Variants in TPRG1 observed in about 807,000 individuals in gnomAD.
TPRG1 encodes tumor protein p63 regulated 1, also known as tumor protein p63-regulated gene 1 protein.
In TPRG1, 29 loss-of-function variants were observed where a neutral mutation model predicts 29.3. The observed-to-expected ratio is 0.99, with a 90% CI of 0.74 to 1.35. TPRG1 has a LOEUF of 1.35. Ranked by LOEUF, TPRG1 falls within the 40% of genes most tolerant of loss-of-function variation. TPRG1 has a pLI of 0.00. For synonymous variants in TPRG1, 130 were observed against 116.8 expected, an observed-to-expected ratio of 1.11 and a Z score of -0.73; for missense variants, 327 against 335.0, an observed-to-expected ratio of 0.98 and a Z score of 0.19.
At chr3:189,145,359 T>TAAAAAAAAAA (rs58210295) in intron 3 of TPRG1, among the ~76,000 whole-genome samples, 1 of 107,388 alleles carries the variant, frequency 9.3e-6, no homozygotes, top group South Asian at 3.8e-4. Context: ...AGACTCCATC[T>TAAAAAAAAAA]AAAAAAAAAA....
At chr3:189,118,627 A>G (rs1721458769) in intron 1 of TPRG1, among the ~76,000 whole-genome samples, 1 of 152,218 alleles carries the variant, frequency 6.6e-6, no homozygotes, top group South Asian at 2.1e-4. Context: ...TCTGCATCCC[A>G]GCTGCTTCAG....
At chr3:189,155,388 T>C (rs1357147292) in intron 5 of TPRG1, among the ~76,000 whole-genome samples, 1 of 152,190 alleles carries the variant, frequency 6.6e-6, no homozygotes, top group Non-Finnish European at 1.5e-5. Context: ...AGTGGCCCTC[T>C]AACATGTCTG....
intron 1 of TPRG1, among the ~76,000 whole-genome samples, chr3:188,997,671 C>T (rs1236047554): frequency 6.6e-6 from 1 of 152,134 alleles, no homozygotes; most frequent in African/African-American, 2.4e-5. Flanking sequence ...CCTTCAGCCT[C>T]AAAGAATGGC....
chr3:189,267,040 A>C (rs1714224889), intron 4 of TPRG1, among the ~76,000 whole-genome samples: 1 of 152,142 alleles, frequency 6.6e-6, no homozygotes, highest in African/African-American at 2.4e-5. Context: ...TATGTATCAC[A>C]CAAAGTTTTG....
intron 4 of TPRG1, among the ~76,000 whole-genome samples, chr3:189,287,242 G>A (rs1041298550): frequency 3.9e-5 from 6 of 152,028 alleles, no homozygotes; most frequent in Non-Finnish European, 8.8e-5. Context: ...TTGAAGAAAA[G>A]ATCTTCCTTG....
chr3:189,075,353 T>G (rs1209809418), intron 4 of TPRG1, among the ~76,000 whole-genome samples: 3 of 152,134 alleles, frequency 2.0e-5, no homozygotes, highest in African/African-American at 7.2e-5. Context: ...CAGGCTGTTC[T>G]CGAACTCCTG....
chr3:189,164,842 T>G (rs1426611410), intron 5 of TPRG1, among the ~76,000 whole-genome samples: 1 of 152,154 alleles, frequency 6.6e-6, no homozygotes, highest in Non-Finnish European at 1.5e-5. Context: ...ACAGCTCCCA[T>G]GTCCCCCTGG....
chr3:189,201,571 A>G (rs1482988908), intron 1 of TPRG1, among the ~76,000 whole-genome samples: 1 of 152,198 alleles, frequency 6.6e-6, no homozygotes, highest in East Asian at 1.9e-4. Flanking sequence ...AATAGTCCTG[A>G]GAGAAGACAA....
At chr3:189,251,189 G>A (rs1742196191) in intron 4 of TPRG1, among the ~76,000 whole-genome samples, 2 of 151,848 alleles carry the variant, frequency 1.3e-5, no homozygotes, top group East Asian at 1.9e-4. Context: ...CTGCTTAAGA[G>A]GCCGAGAAGA....
intron 4 of TPRG1, among the ~76,000 whole-genome samples, chr3:189,257,060 G>T (rs1469292502): frequency 6.6e-6 from 1 of 152,122 alleles, no homozygotes; most frequent in African/African-American, 2.4e-5. Flanking sequence ...ATGCTAGCTG[G>T]TTATTTTGCC....
chr3:189,101,147 C>A (rs1327088841), intron 1 of TPRG1, among the ~76,000 whole-genome samples: 4 of 152,138 alleles, frequency 2.6e-5, no homozygotes, highest in Non-Finnish European at 4.4e-5. Flanking sequence ...GTGTCCTCCC[C>A]CTTCCAACTC....
intron 3 of TPRG1, among the ~76,000 whole-genome samples, chr3:189,145,800 A>T (rs1326494001): frequency 6.6e-6 from 1 of 152,238 alleles, no homozygotes; most frequent in Non-Finnish European, 1.5e-5. Flanking sequence ...TATCAGGACC[A>T]TATTTATGAC....
chr3:189,187,133 C>T (rs909167601), intron 1 of TPRG1, among the ~76,000 whole-genome samples: 10 of 151,504 alleles, frequency 6.6e-5, no homozygotes, highest in Non-Finnish European at 1.3e-4. Flanking sequence ...ATCACAGATT[C>T]GCACCACCAC....
chr3:189,020,393 A>G (rs1204266812), intron 3 of TPRG1, among the ~76,000 whole-genome samples: 1 of 151,276 alleles, frequency 6.6e-6, no homozygotes, highest in Admixed American at 6.6e-5. Context: ...CCCTCTACAC[A>G]CTGCTTGAAT....
chr3:189,252,573 G>T (rs1228944748), intron 4 of TPRG1, among the ~76,000 whole-genome samples: 1 of 152,144 alleles, frequency 6.6e-6, no homozygotes, highest in African/African-American at 2.4e-5. Context: ...GGAAGGAGGG[G>T]AAGACTATGG....
chr3:189,070,631 C>T (rs147599262), intron 4 of TPRG1, among the ~76,000 whole-genome samples: 208 of 152,026 alleles, frequency 1.4e-3, no homozygotes, highest in African/African-American at 5.0e-3. Context: ...TTTAAATCAA[C>T]GTATAGTAAG....
intron 1 of TPRG1, among the ~76,000 whole-genome samples, chr3:189,112,775 G>A (rs1018029621): frequency 1.2e-4 from 18 of 152,144 alleles, no homozygotes; most frequent in African/African-American, 2.4e-4. Context: ...TTTGGTTACC[G>A]TAGCCTTGTA....
At chr3:189,073,708 T>TAC (rs1378838772) in intron 4 of TPRG1, among the ~76,000 whole-genome samples, 1 of 152,186 alleles carries the variant, frequency 6.6e-6, no homozygotes, top group East Asian at 1.9e-4. Flanking sequence ...TTATTCTTTA[T>TAC]ACACCCCTGT....
chr3:189,058,930 C>A (rs926147514), intron 4 of TPRG1, among the ~76,000 whole-genome samples: 8 of 152,166 alleles, frequency 5.3e-5, no homozygotes, highest in Non-Finnish European at 1.0e-4. Context: ...CAAGATCGAG[C>A]AAACTGAGGA....
Sources: gnomAD v4.1 joint callset for allele counts (sites outside exome capture counted in the v4.1 genomes callset) on GRCh38, gnomAD v4.1.1 for gene constraint, MANE v1.5 for transcripts, NCBI Gene and HGNC (gene_info 2026-07-23, HGNC 2026-07-21) for gene names.